Variants in STAU2 observed in about 807,000 individuals in gnomAD.
STAU2 encodes staufen double-stranded RNA binding protein 2, also known as double-stranded RNA-binding protein Staufen homolog 2.
STAU2 carries 20 observed loss-of-function variants against 65.9 expected under a neutral mutation model. The ratio of observed to expected loss-of-function variants is 0.30; its 90% CI spans 0.21 to 0.44. STAU2 has a LOEUF of 0.44. STAU2 is among the 20% of genes least tolerant of loss of function. The pLI, the probability that STAU2 is intolerant of heterozygous loss-of-function variation, is 1.00. For missense variants in STAU2, 558 were observed against 683.9 expected (o/e 0.82, Z 2.05); for synonymous variants, 232 against 233.9 (o/e 0.99, Z 0.07).
At chr8:73,703,434 A>AGGC (rs1820265377) in intron 4 of STAU2, among the ~76,000 whole-genome samples, 1 of 152,208 alleles carries the variant, frequency 6.6e-6, no homozygotes, top group Admixed American at 6.5e-5. Flanking sequence ...TTTCTTATAA[A>AGGC]TTAGCCAGTC....
At chr8:73,433,503 C>CT (rs34174316) in intron 13 of STAU2, among the ~76,000 whole-genome samples, 8,174 of 126,582 alleles carry the variant, frequency 0.065, 743 homozygotes, top group African/African-American at 0.2. Flanking sequence ...CACGCCCCGC[C>CT]TTTTTTTTTT....
At chr8:73,492,399 A>C (rs981280587) in intron 13 of STAU2, among the ~76,000 whole-genome samples, 2 of 151,866 alleles carry the variant, frequency 1.3e-5, no homozygotes, top group Non-Finnish European at 2.9e-5. Context: ...TGCTTCCATC[A>C]ATGCACGGTC....
At chr8:73,580,244 C>T (rs1239054408) in intron 12 of STAU2, among the ~76,000 whole-genome samples, 3 of 152,134 alleles carry the variant, frequency 2.0e-5, no homozygotes, top group Non-Finnish European at 4.4e-5. Flanking sequence ...GTGTTTTTCA[C>T]AAAGTAATAT....
At chr8:73,452,417 AC>A (rs1398224865) in intron 13 of STAU2, among the ~76,000 whole-genome samples, 3 of 152,064 alleles carry the variant, frequency 2.0e-5, no homozygotes, top group Admixed American at 2.0e-4. Context: ...CTTGGCTGAG[AC>A]CTTTTGCTTT....
chr8:73,528,877 G>C (rs921863378), intron 13 of STAU2, among the ~76,000 whole-genome samples: 1 of 151,970 alleles, frequency 6.6e-6, no homozygotes, highest in Non-Finnish European at 1.5e-5. Flanking sequence ...TATGGCCTAC[G>C]TTTATTTAAT....
chr8:73,527,751 T>G, intron 13 of STAU2: 1 of 1,536,706 alleles, frequency 6.5e-7, no homozygotes, highest in Non-Finnish European at 8.7e-7. Flanking sequence ...GCACAGGGGC[T>G]AATGTCAGAC....
At chr8:73,706,952 C>T (rs1820546258) in intron 4 of STAU2, among the ~76,000 whole-genome samples, 1 of 152,180 alleles carries the variant, frequency 6.6e-6, no homozygotes. Context: ...CCAAATCCTC[C>T]TAAGAGTCCT....
At chr8:73,741,222 G>A (rs1376693299) in intron 1 of STAU2, among the ~76,000 whole-genome samples, 3 of 145,484 alleles carry the variant, frequency 2.1e-5, no homozygotes, top group African/African-American at 5.2e-5. Flanking sequence ...GGAGAATGGC[G>A]TGAACCCGGG....
chr8:73,520,385 T>G (rs1221097957), intron 13 of STAU2, among the ~76,000 whole-genome samples: 1 of 152,202 alleles, frequency 6.6e-6, no homozygotes, highest in Non-Finnish European at 1.5e-5. Flanking sequence ...ATTTTAGATA[T>G]ATTGGGTTAA....
At chr8:73,433,796 C>A (rs777864067) in intron 13 of STAU2, among the ~76,000 whole-genome samples, 47 of 152,006 alleles carry the variant, frequency 3.1e-4, no homozygotes, top group Non-Finnish European at 6.0e-4. Flanking sequence ...AGCCACCGTG[C>A]CTGGCCTATT....
intron 6 of STAU2, among the ~76,000 whole-genome samples, chr8:73,656,857 T>A (rs1433954246): frequency 6.6e-6 from 1 of 152,122 alleles, no homozygotes; most frequent in Non-Finnish European, 1.5e-5. Flanking sequence ...ATACACTACA[T>A]ACAAGAGACA....
intron 13 of STAU2, among the ~76,000 whole-genome samples, chr8:73,451,007 A>G (rs987755055): frequency 2.0e-5 from 3 of 152,190 alleles, no homozygotes; most frequent in Non-Finnish European, 2.9e-5. Context: ...CAGGCCCAGG[A>G]GGAATCCATC....
chr8:73,562,011 CAAAT>C (rs1351758386), intron 12 of STAU2, among the ~76,000 whole-genome samples: 2 of 152,150 alleles, frequency 1.3e-5, no homozygotes, highest in Non-Finnish European at 2.9e-5. Flanking sequence ...AGTAGTAAAA[CAAAT>C]AAACCAAGAA....
At chr8:73,728,319 T>C (rs1256325108) in intron 3 of STAU2, among the ~76,000 whole-genome samples, 2 of 152,200 alleles carry the variant, frequency 1.3e-5, no homozygotes, top group Non-Finnish European at 2.9e-5. Flanking sequence ...TACCACACTA[T>C]TTTGATCATT....
chr8:73,635,908 CCACACACACACACACA>C (rs756554962), intron 6 of STAU2, among the ~76,000 whole-genome samples: 2 of 74,878 alleles, frequency 2.7e-5, no homozygotes, highest in South Asian at 1.2e-3. Flanking sequence ...GACCCCTGAA[CCACACACACACACACA>C]CACACACACA....
At chr8:73,669,079 A>G (rs1373967395) in intron 6 of STAU2, 2 of 702,310 alleles carry the variant, frequency 2.8e-6, no homozygotes, top group Non-Finnish European at 5.2e-6. Flanking sequence ...CTTTGGCTCC[A>G]GAGTCCCTGT....
At chr8:73,639,071 T>C (rs967899582) in intron 6 of STAU2, among the ~76,000 whole-genome samples, 4 of 152,014 alleles carry the variant, frequency 2.6e-5, no homozygotes, top group African/African-American at 7.2e-5. Flanking sequence ...ATTATTTTGA[T>C]ACAAAAAAGA....
upstream of STAU2, chr8:73,747,368 T>A: frequency 6.5e-7 from 1 of 1,535,300 alleles, no homozygotes; most frequent in Non-Finnish European, 8.7e-7. Context: ...CACCCTGTGC[T>A]CTGATTCCCC....
At chr8:73,669,981 A>G (rs1817551931) in intron 6 of STAU2, among the ~76,000 whole-genome samples, 1 of 152,222 alleles carries the variant, frequency 6.6e-6, no homozygotes, top group African/African-American at 2.4e-5. Flanking sequence ...ATACTCTCAT[A>G]AATCTATTTA....
Sources: gnomAD v4.1 joint callset for allele counts (sites outside exome capture counted in the v4.1 genomes callset) on GRCh38, gnomAD v4.1.1 for gene constraint, MANE v1.5 for transcripts, NCBI Gene and HGNC (gene_info 2026-07-23, HGNC 2026-07-21) for gene names.